Variants in PKD2L1 observed in about 807,000 individuals in gnomAD.
The protein encoded by PKD2L1 is polycystin-2-like protein 1.
Under a neutral mutation model 93.0 loss-of-function variants are expected in PKD2L1, and 77 were observed. The ratio of observed to expected loss-of-function variants is 0.83; its 90% CI spans 0.69 to 1.00. The LOEUF (loss-of-function observed/expected upper bound fraction) is 1.00. Ranked by LOEUF, PKD2L1 falls within the 50% of genes least tolerant of loss-of-function variation. The probability of loss-of-function intolerance (pLI) is 0.00; values close to 1 mark genes in which losing one functional copy is unlikely to be tolerated. For missense variants in PKD2L1, 977 were observed against 990.9 expected, an observed-to-expected ratio of 0.99 and a Z score of 0.19; for synonymous variants, 390 against 388.0, an observed-to-expected ratio of 1.01 and a Z score of -0.06.
intron 2 of PKD2L1, among the ~76,000 whole-genome samples, chr10:100,320,464 A>G (rs1379601258): frequency 6.6e-6 from 1 of 152,230 alleles, no homozygotes; most frequent in Non-Finnish European, 1.5e-5. Flanking sequence ...ATTGCTGTGC[A>G]GGTGATGGCT....
At chr10:100,288,594 G>T in intron 15 of PKD2L1, 116 bp from the exon 16 acceptor site, 1 of 699,196 alleles carries the variant, frequency 1.4e-6, no homozygotes, top group South Asian at 1.7e-5. Flanking sequence ...CTACTCTCTT[G>T]GTTTCTACCT....
chr10:100,324,038 G>A (rs1264855786), intron 2 of PKD2L1, among the ~76,000 whole-genome samples: 2 of 152,158 alleles, frequency 1.3e-5, no homozygotes, highest in African/African-American at 4.8e-5. Flanking sequence ...ATGTTGGCCA[G>A]GCTGGTCTCG....
At chr10:100,291,894 A>T (rs1848414524) in intron 11 of PKD2L1, among the ~76,000 whole-genome samples, 2 of 151,852 alleles carry the variant, frequency 1.3e-5, no homozygotes, top group African/African-American at 4.8e-5. Flanking sequence ...TCCTGCTATG[A>T]CCACCACCTG....
In PKD2L1 at chr10:100,323,936, T is replaced by C. The variant is rs559438806; in HGVS notation, c.349+5275A>G. 7.2e-5 allele frequency among the ~76,000 whole-genome samples: 11 copies of C among 152,300 alleles called. No individual in the cohort carries two copies. The South Asian group carries it at 1.2e-3, about 17-fold the overall frequency. On this transcript the variant is annotated intron_variant, in intron 2 of 15. Transcript: ENST00000318222. Reference sequence around the variant, plus strand: ...TCCGCCTCCCAGGTTCAAGTGATTCTCCTGTCTCAGCCTCCTGAGTAGCTG... The same window carrying C: ...TCCGCCTCCCAGGTTCAAGTGATTCCCCTGTCTCAGCCTCCTGAGTAGCTG...
rs1849450473 is a variant in PKD2L1 at position 100,329,313 on chromosome 10, T to C, written c.247A>G (p.Thr83Ala). 1.2e-6 allele frequency: 2 copies of C among 1,614,076 alleles called. No homozygotes were observed. The highest frequency in any genetic ancestry group is 3.3e-5 in the Admixed American group (2 of 60,004). ...TCAGCTGTGTTCTCAGTCAGGGTTGTTCCCCAAAGTCCTAAGGGGCATGGG... is the reference window on the plus strand; with the variant it reads ...TCAGCTGTGTTCTCAGTCAGGGTTGCTCCCCAAAGTCCTAAGGGGCATGGG... ...ICQGIRGLWG[T>A]TLTENTAENR... Residue 83 changes from threonine (T) to alanine (A), a missense_variant, in exon 2 of 16, where the codon ACA becomes GCA. Transcript: ENST00000318222.
chr10:100,294,229 C>G (rs1180615700), intron 9 of PKD2L1, among the ~76,000 whole-genome samples: 4 of 152,096 alleles, frequency 2.6e-5, no homozygotes, highest in African/African-American at 9.7e-5. Flanking sequence ...GGAGGACGGT[C>G]GTAGACGCTT....
At chr10:100,289,488 G>A (rs973833723) in intron 14 of PKD2L1, among the ~76,000 whole-genome samples, 2 of 152,110 alleles carry the variant, frequency 1.3e-5, no homozygotes, top group Admixed American at 6.6e-5. Context: ...GCAGTGAGCC[G>A]AGATCGTGCC....
rs1170751809 is a variant in PKD2L1 at position 100,299,754 on chromosome 10, TG to T, written c.350-37del. 3 of 1,606,818 alleles carry T rather than the reference TG, an allele frequency of 1.9e-6. No individual in the cohort carries two copies. In the African/African-American group the frequency reaches 4.0e-5, roughly 21 times the overall value. On this transcript the variant is annotated intron_variant, in intron 2 of 15. Transcript: ENST00000318222. ...ACCCAAGAGGCTATGTCCTTCTCAC[TG>T]TTCCCCCAGAGGAGACAGGAAAGCC...
chr10:100,321,687 GAAAGAAA>G, intron 2 of PKD2L1, among the ~76,000 whole-genome samples: 1 of 1,246 alleles, frequency 8.0e-4, no homozygotes, highest in East Asian at 0.013. Context: ...AAGAAAGAAA[GAAAGAAA>G]GAAAGAAAGA....
intron 2 of PKD2L1, among the ~76,000 whole-genome samples, chr10:100,300,929 G>A (rs928375656): frequency 5.3e-5 from 8 of 152,018 alleles, no homozygotes; most frequent in Non-Finnish European, 1.0e-4. Context: ...TCCGCTATCG[G>A]GGGAACCTGC....
chr10:100,310,650 T>C (rs1163932484), intron 2 of PKD2L1, among the ~76,000 whole-genome samples: 2 of 152,124 alleles, frequency 1.3e-5, no homozygotes, highest in Non-Finnish European at 2.9e-5. Flanking sequence ...AAATGAGTAT[T>C]TAATATGAAT....
chr10:100,301,433 C>T (rs1848671071), intron 2 of PKD2L1, among the ~76,000 whole-genome samples: 1 of 150,052 alleles, frequency 6.7e-6, no homozygotes, highest in South Asian at 2.1e-4. Flanking sequence ...GGCAGACACC[C>T]CCAGAGCAGC....
chr10:100,329,494 C>T, intron 1 of PKD2L1, 170 bp from the exon 2 acceptor site: 1 of 880,700 alleles, frequency 1.1e-6, no homozygotes, highest in Non-Finnish European at 1.7e-6. Flanking sequence ...GCTTGCTCTT[C>T]CCATCAGCTC....
chr10:100,328,589 C>CTT (rs1412239860), intron 2 of PKD2L1, among the ~76,000 whole-genome samples: 2 of 51,632 alleles, frequency 3.9e-5, no homozygotes, highest in African/African-American at 6.0e-5. Flanking sequence ...TGGTTTTCCA[C>CTT]TCTTTTTTTT....
chr10:100,301,423 G>A (rs1387486271), intron 2 of PKD2L1, among the ~76,000 whole-genome samples: 1 of 151,694 alleles, frequency 6.6e-6, no homozygotes, highest in East Asian at 1.9e-4. Flanking sequence ...AGCTGCATAA[G>A]GCAGACACCC....
In PKD2L1 at chr10:100,326,484, C is replaced by T. The variant is rs368675651; in HGVS notation, c.349+2727G>A. Among the ~76,000 whole-genome samples the T allele has an allele frequency of 1.3e-5, 2 of 152,168 alleles. 1 individual carries two copies. The highest frequency in any genetic ancestry group is 4.1e-4 in the South Asian group (2 of 4,828). ...CTCCATATCTCTCAGGTTTTAGCTC[C>T]GATATCACTTCCTCTGCATTTCCTC... On this transcript the variant is annotated intron_variant, in intron 2 of 15. Coordinates refer to ENST00000318222, the MANE Select transcript of PKD2L1 (RefSeq NM_016112.3).
intron 1 of PKD2L1, 63 bp downstream of exon 1, chr10:100,329,806 A>C (rs2133578806): frequency 1.5e-4 from 154 of 1,035,898 alleles, no homozygotes; most frequent in Middle Eastern, 2.2e-4. Flanking sequence ...CCCCCTGCCC[A>C]AAAGCTTTTG....
chr10:100,316,962 C>CCT (rs752218620), intron 2 of PKD2L1, among the ~76,000 whole-genome samples: 1 of 152,080 alleles, frequency 6.6e-6, no homozygotes, highest in Non-Finnish European at 1.5e-5. Flanking sequence ...GTGGCACCTG[C>CCT]CTGTAGTCCC....
Position 100,294,962 on chromosome 10 carries a change from A to G in PKD2L1, c.1518T>C (p.Phe506=), listed in dbSNP as rs749798302. 7 of 1,613,950 alleles carry G rather than the reference A, an allele frequency of 4.3e-6. No homozygotes were observed. Among genetic ancestry groups the G allele is most frequent in the Non-Finnish European group, 5.9e-6 (7 of 1,179,900 alleles). ...YLLFGTQVEN[F]STFIKCIFTQ... ...CACACATGCACTTGATGAAAGTGCT[A>G]AAGTTTTCCACTTGGGTCCCGAAAA... The change falls in exon 8 of 16, where the codon TTT becomes TTC. Residue 506 remains phenylalanine, a synonymous_variant. Transcript: ENST00000318222.
Sources: allele counts gnomAD v4.1 joint callset (sites outside exome capture counted in the v4.1 genomes callset), GRCh38; gene constraint gnomAD v4.1.1; transcripts MANE v1.5; gene names NCBI Gene and HGNC (gene_info 2026-07-23, HGNC 2026-07-21).